The following CNTNAP4 variants were observed in gnomAD, a reference collection of about 807,000 sequenced individuals.
CNTNAP4 encodes the protein contactin-associated protein-like 4.
Under a neutral mutation model 148.4 loss-of-function variants are expected in CNTNAP4, and 98 were observed. The ratio of observed to expected loss-of-function variants is 0.66; its 90% CI spans 0.56 to 0.78. The LOEUF (loss-of-function observed/expected upper bound fraction) is 0.78. CNTNAP4 is among the 30% of genes least tolerant of loss of function. The pLI is 0.00. For synonymous variants in CNTNAP4, 730 were observed against 565.1 expected (o/e 1.29, Z -4.14); for missense variants, 1,935 against 1,565.6 (o/e 1.24, Z -3.98).
chr16:76,333,684 A>G (rs1963745110), intron 2 of CNTNAP4, among the ~76,000 whole-genome samples: 1 of 151,526 alleles, frequency 6.6e-6, no homozygotes, highest in South Asian at 2.1e-4. Flanking sequence ...GTTGCCGAAA[A>G]CTAGACATTT....
intron 10 of CNTNAP4, chr16:76,469,705 C>A (rs1669434792): frequency 6.6e-6 from 1 of 152,200 alleles, no homozygotes; most frequent in South Asian, 2.1e-4. Flanking sequence ...GAACACATCA[C>A]TTTAGTGCCA....
At chr16:76,451,257 A>G (rs1048898371) in intron 7 of CNTNAP4, among the ~76,000 whole-genome samples, 1 of 152,242 alleles carries the variant, frequency 6.6e-6, no homozygotes, top group Non-Finnish European at 1.5e-5. Flanking sequence ...ACTATCAAGT[A>G]TCACCCAAGC....
intron 9 of CNTNAP4, among the ~76,000 whole-genome samples, chr16:76,464,640 C>T (rs913742515): frequency 1.5e-4 from 23 of 152,172 alleles, no homozygotes; most frequent in African/African-American, 5.3e-4. Context: ...CTGCAAGTTT[C>T]CAGTTATTTT....
intron 12 of CNTNAP4, among the ~76,000 whole-genome samples, chr16:76,479,967 A>G (rs2081755272): frequency 6.6e-6 from 1 of 152,184 alleles, no homozygotes; most frequent in South Asian, 2.1e-4. Flanking sequence ...CATAATTTAA[A>G]ACACTCAACA....
rs1255556795 is a variant in CNTNAP4 at position 76,420,434 on chromosome 16, A to G, written c.391-7018A>G. Among the ~76,000 whole-genome samples, 3 of 152,074 alleles carry G rather than the reference A, an allele frequency of 2.0e-5. No individual in the cohort carries two copies. The East Asian group carries it at 5.8e-4, about 29-fold the overall frequency. On this transcript the variant is annotated intron_variant, in intron 3 of 23. Transcript: ENST00000611870. Reference sequence around the variant, plus strand: ...ATTTCATTCACTTTTACAGGCAACCAGAAGCACTGAACCTCTCTGACATCC... The same window carrying G: ...ATTTCATTCACTTTTACAGGCAACCGGAAGCACTGAACCTCTCTGACATCC...
At position 76,366,604 on chromosome 16, in the gene CNTNAP4, T is replaced by C. The variant is rs144761751; in HGVS notation, c.390+11093T>C. On this transcript the variant is annotated intron_variant, in intron 3 of 23. Coordinates refer to ENST00000611870, the MANE Select transcript of CNTNAP4 (RefSeq NM_033401.5). ...GTGCTGCAGTAAACATTTGCGTGCATGTGTCTTTGTGGTAGAATGATTTCT... is the reference window on the plus strand; with the variant it reads ...GTGCTGCAGTAAACATTTGCGTGCACGTGTCTTTGTGGTAGAATGATTTCT... Among the ~76,000 whole-genome samples, 650 of 152,300 alleles carry C rather than the reference T, an allele frequency of 4.3e-3. 4 individuals carry two copies. The highest frequency in any genetic ancestry group is 0.014 in the African/African-American group (568 of 41,574).
intron 3 of CNTNAP4, among the ~76,000 whole-genome samples, chr16:76,385,137 A>G (rs190165579): frequency 1.3e-5 from 2 of 152,332 alleles, no homozygotes; most frequent in Admixed American, 1.3e-4. Context: ...TTTTTAAACA[A>G]TATAACGCAT....
chr16:76,350,040 T>C (rs12325365), intron 2 of CNTNAP4, among the ~76,000 whole-genome samples: 28,355 of 152,034 alleles, frequency 0.19, 3,435 homozygotes, highest in East Asian at 0.47. Context: ...TTACCAGCAC[T>C]AAATATTGGT....
rs576159236 is a variant in CNTNAP4, at chr16:76,420,576, A to G, written c.391-6876A>G. On this transcript the variant is annotated intron_variant, in intron 3 of 23. Transcript: ENST00000611870. ...AAAAGTAGATCCTCTAAATTCTTACAAAAAGCCTATGGAAGCCTGTAAAAT... is the reference window on the plus strand; with the variant it reads ...AAAAGTAGATCCTCTAAATTCTTACGAAAAGCCTATGGAAGCCTGTAAAAT... Among the ~76,000 whole-genome samples the G allele has an allele frequency of 7.9e-4, 120 of 152,062 alleles. 1 individual carries two copies. Among genetic ancestry groups the G allele is most frequent in the African/African-American group, 2.8e-3 (118 of 41,520 alleles).
At chr16:76,414,556 A>C (rs535727637) in intron 3 of CNTNAP4, among the ~76,000 whole-genome samples, 1 of 151,368 alleles carries the variant, frequency 6.6e-6, no homozygotes, top group South Asian at 2.1e-4. Context: ...GCTGGGAAGC[A>C]TTCTCTGTTT....
chr16:76,397,941 T>TAG (rs2078262299), intron 3 of CNTNAP4, among the ~76,000 whole-genome samples: 1 of 1,928 alleles, frequency 5.2e-4, no homozygotes, highest in African/African-American at 1.8e-3. Context: ...TAATAGATTA[T>TAG]ATACATATAT....
intron 3 of CNTNAP4, among the ~76,000 whole-genome samples, chr16:76,395,270 C>CT (rs35763868): frequency 0.39 from 57,150 of 145,378 alleles, 11,426 homozygotes; most frequent in Middle Eastern, 0.51. Context: ...GCCAAAGATT[C>CT]TTTTTTTTTT....
At position 76,355,367 on chromosome 16, in the gene CNTNAP4, G is replaced by C. The variant is rs2012449750; in HGVS notation, c.246G>C (p.Gln82His). The C allele has an allele frequency of 6.2e-7, 1 of 1,604,946 alleles. No individual in the cohort carries two copies. ...TGTCTAACAAATACCAGTGGTTGCA[G>C]ATTGACCTTGGAGAGAGAATGGAGG... is the stretch of plus-strand genomic sequence containing the variant. The part of the protein sequence containing the change: ...PLVSNKYQWL[Q>H]IDLGERMEVT... The change falls in exon 3 of 24, where the codon CAG (glutamine) becomes CAC (histidine). Residue 82 changes from glutamine (Q) to histidine (H), a missense_variant. Coordinates refer to ENST00000611870, the MANE Select transcript of CNTNAP4 (RefSeq NM_033401.5).
chr16:76,496,085 T>TGTGTGTGTGTGTGTG (rs1555576716), intron 14 of CNTNAP4, among the ~76,000 whole-genome samples: 1 of 140,036 alleles, frequency 7.1e-6, no homozygotes, highest in African/African-American at 2.5e-5. Context: ...CAAGATTATG[T>TGTGTGTGTGTGTGTG]TGTGTGTGTG....
At position 76,448,108 on chromosome 16, in the gene CNTNAP4, T is replaced by G; in HGVS notation, c.635T>G (p.Phe212Cys). The change falls in exon 5 of 24, where the codon TTC becomes TGC. Residue 212 changes from phenylalanine to cysteine, a missense_variant. Phe to Cys is a radical substitution (Grantham distance 205). Coordinates refer to ENST00000611870, the MANE Select transcript of CNTNAP4 (RefSeq NM_033401.5). ...ATAAAAGACATTATTTCTTTGAAAT[T>G]CAAAACCATGCAGAGTGATGGGATT... Reference protein sequence around the residue: ...SPIKDIISLKFKTMQSDGILL... With the variant: ...SPIKDIISLKCKTMQSDGILL... The G allele has an allele frequency of 6.2e-7, 1 of 1,613,600 alleles. No individual in the cohort carries two copies. The highest frequency in any genetic ancestry group is 8.5e-7 in the Non-Finnish European group (1 of 1,179,626).
At chr16:76,300,672 C>G (rs1047880615) in intron 1 of CNTNAP4, among the ~76,000 whole-genome samples, 5 of 152,128 alleles carry the variant, frequency 3.3e-5, no homozygotes, top group African/African-American at 1.2e-4. Flanking sequence ...ATATCTTTCT[C>G]ACAAAGTTGT....
At chr16:76,402,920 G>T (rs1391313137) in intron 3 of CNTNAP4, among the ~76,000 whole-genome samples, 1 of 151,988 alleles carries the variant, frequency 6.6e-6, no homozygotes, top group African/African-American at 2.4e-5. Context: ...GTATAAGTTA[G>T]GTTCTTTTGC....
intron 1 of CNTNAP4, among the ~76,000 whole-genome samples, chr16:76,294,452 A>G (rs1484799722): frequency 6.6e-6 from 1 of 152,184 alleles, no homozygotes; most frequent in Non-Finnish European, 1.5e-5. Flanking sequence ...CAAGAATTAC[A>G]CTGGCTGAAT....
chr16:76,502,821 A>T (rs535421096), intron 15 of CNTNAP4, among the ~76,000 whole-genome samples: 1 of 152,232 alleles, frequency 6.6e-6, no homozygotes, highest in South Asian at 2.1e-4. Context: ...ACAGAAAAAA[A>T]AGTGAGAATG....
Sources: gnomAD v4.1 joint callset for allele counts (sites outside exome capture counted in the v4.1 genomes callset) on GRCh38, gnomAD v4.1.1 for gene constraint, MANE v1.5 for transcripts, NCBI Gene and HGNC (gene_info 2026-07-23, HGNC 2026-07-21) for gene names.